C20orf96: variants seen among roughly 807,000 people sequenced by gnomAD.
C20orf96 encodes the protein chromosome 20 open reading frame 96.
In C20orf96, 57 loss-of-function variants were observed where a neutral mutation model predicts 52.6. The observed-to-expected ratio is 1.08, with a 90% confidence interval of 0.88 to 1.35. The LOEUF is 1.35. Among genes scored for constraint, C20orf96 ranks in the 40% most tolerant of loss-of-function variants. The probability of loss-of-function intolerance (pLI) is 0.00; values close to 1 mark genes in which losing one functional copy is unlikely to be tolerated. For synonymous variants in C20orf96, 168 were observed against 157.2 expected (o/e 1.07, Z -0.51); for missense variants, 478 against 443.6 (o/e 1.08, Z -0.70).
chr20:284,016 T>C lies in C20orf96; in HGVS notation c.253A>G (p.Arg85Gly). Residue 85 changes from arginine (R) to glycine (G), a missense_variant, in exon 4 of 11, where the codon AGA becomes GGA. Physicochemically the swap from Arg to Gly is moderately radical, Grantham distance 125 (BLOSUM62 -2). Transcript: ENST00000360321. ...TTCCCAGGGTCCAACTTCCGCCTTC[T>C]ATGTAGTTCTCTTGGATTCTTCGGC... ...CQPKNPRELH[R>G]RRKLDPGKMH... 6.2e-7 allele frequency: 1 copy of C among 1,614,212 alleles called. No homozygotes were observed. Among genetic ancestry groups the C allele is most frequent in the African/African-American group, 1.3e-5 (1 of 75,062 alleles).
At position 277,228 on chromosome 20, in the gene C20orf96, G is replaced by C; in HGVS notation, c.721C>G (p.Gln241Glu). ...RQLQQVKDSQQDELDDLGEMR... is the reference protein window; with the variant it reads ...RQLQQVKDSQEDELDDLGEMR... Reference sequence around the variant, plus strand: ...GAGAGGGGCAGGGGCTCCCCTACCTGCTGGCTGTCCTTAACCTGCTGCAGC... The same window carrying C: ...GAGAGGGGCAGGGGCTCCCCTACCTCCTGGCTGTCCTTAACCTGCTGCAGC... The change falls in exon 7 of 11, where the codon CAG (glutamine) becomes GAG (glutamate). Residue 241 changes from glutamine to glutamate, a missense_variant and splice_region_variant. Transcript: ENST00000360321. 1 of 1,614,146 alleles carries C rather than the reference G, an allele frequency of 6.2e-7. No homozygotes were observed. Among genetic ancestry groups the C allele is most frequent in the Admixed American group, 1.7e-5 (1 of 60,028 alleles).
intron 3 of C20orf96, among the ~76,000 whole-genome samples, chr20:285,229 T>C (rs1187819792): frequency 6.6e-6 from 1 of 152,112 alleles, no homozygotes; most frequent in Non-Finnish European, 1.5e-5. Flanking sequence ...AGTACAGGCA[T>C]TTGGGGGGCA....
At chr20:288,176 T>TTTTTTC (rs1300115257) in intron 3 of C20orf96, among the ~76,000 whole-genome samples, 52 of 124,296 alleles carry the variant, frequency 4.2e-4, no homozygotes, top group African/African-American at 2.1e-3. Flanking sequence ...TTCTTTTTCT[T>TTTTTTC]TTTTTTTTTT....
At chr20:274,123 C>T (rs1229929384) in intron 10 of C20orf96, among the ~76,000 whole-genome samples, 7 of 152,070 alleles carry the variant, frequency 4.6e-5, no homozygotes, top group African/African-American at 7.2e-5. Flanking sequence ...TGCTTTTTAA[C>T]GCGATCTCCA....
intron 4 of C20orf96, among the ~76,000 whole-genome samples, chr20:280,784 T>C (rs1434455412): frequency 1.3e-5 from 2 of 152,158 alleles, no homozygotes; most frequent in Admixed American, 6.5e-5. Flanking sequence ...GGCAAGTTAG[T>C]TAATGTCTCA....
intron 10 of C20orf96, among the ~76,000 whole-genome samples, chr20:273,895 AAGGAAGGAAGGGAGGGAGGG>A (rs1295330406): frequency 4.7e-5 from 3 of 63,884 alleles, no homozygotes; most frequent in Non-Finnish European, 8.1e-5. Context: ...GGAAGGAAGA[AAGGAAGGAAGGGAGGGAGGG>A]AGGGAGGGAG....
chr20:274,249 G>A (rs2011945274), intron 10 of C20orf96, among the ~76,000 whole-genome samples: 1 of 151,916 alleles, frequency 6.6e-6, no homozygotes, highest in African/African-American at 2.4e-5. Context: ...ACGTGGAAGG[G>A]CATCCATGAG....
Position 290,697 on chromosome 20 carries a change from T to C in C20orf96, c.-87A>G. 3 of 1,552,564 alleles carry C rather than the reference T, an allele frequency of 1.9e-6. No individual in the cohort carries two copies. Among genetic ancestry groups the C allele is most frequent in the Middle Eastern group, 1.7e-4 (1 of 5,898 alleles). ...GGCTTTTCCAACTTCCTTGTCTCAG[T>C]GTAGATCGCGCGGTAACCCAGGCCA... On this transcript the variant is annotated 5_prime_UTR_variant, in exon 1 of 11. Transcript: ENST00000360321.
Position 278,496 on chromosome 20 carries a change from T to C in C20orf96, c.466-67A>G, listed in dbSNP as rs1378930505. ...GCTCTCAGAGGCGGCCACCCAGCAC[T>C]TCCTCAGAGGAGTCCCCAGTCCCAA... On this transcript the variant is annotated intron_variant, in intron 5 of 10. Transcript: ENST00000360321. 2.4e-6 allele frequency: 3 copies of C among 1,228,334 alleles called. No homozygotes were observed. The African/African-American group carries it at 4.5e-5, about 18-fold the overall frequency. 76.1% of individuals were successfully genotyped at this position (1,228,334 alleles called of 1,614,324 possible).
Position 275,991 on chromosome 20 carries a change from C to G in C20orf96, c.1008G>C (p.Glu336Asp). 1 of 1,614,164 alleles carries G rather than the reference C, an allele frequency of 6.2e-7. No homozygotes were observed. Among genetic ancestry groups the G allele is most frequent in the Non-Finnish European group, 8.5e-7 (1 of 1,180,038 alleles). The change falls in exon 10 of 11, where the codon GAG becomes GAC. Residue 336 changes from glutamate to aspartate, a missense_variant. By Grantham distance (45) the Glu-to-Asp change is conservative (BLOSUM62 2). Transcript: ENST00000360321. ...ACTTGGGTCTCCGAAGCAGAACATCCTCAAATATGACCTCTCGGGGTTCCC... is the reference window on the plus strand; with the variant it reads ...ACTTGGGTCTCCGAAGCAGAACATCGTCAAATATGACCTCTCGGGGTTCCC... Reference protein sequence around the residue: ...QTREPREVIFEDVLLRRPKCT... With the variant: ...QTREPREVIFDDVLLRRPKCT...
At chr20:286,563 G>A (rs1193614036) in intron 3 of C20orf96, among the ~76,000 whole-genome samples, 2 of 149,766 alleles carry the variant, frequency 1.3e-5, no homozygotes, top group Admixed American at 1.3e-4. Context: ...AGAGGAGAGG[G>A]GAGGGGAAGG....
intron 2 of C20orf96, 148 bp downstream of exon 2, chr20:290,111 G>T (rs2012498307): frequency 1.6e-6 from 1 of 628,736 alleles, no homozygotes; most frequent in South Asian, 2.0e-5. Flanking sequence ...GCTTGCTCTG[G>T]GTCCCACAGC....
At chr20:273,980 G>A (rs28409234) in intron 10 of C20orf96, among the ~76,000 whole-genome samples, 1 of 145,458 alleles carries the variant, frequency 6.9e-6, no homozygotes, top group Non-Finnish European at 1.5e-5. Context: ...AAAGAAAAGA[G>A]AAAGACAGAG....
In C20orf96 at chr20:283,891, G is replaced by C; in HGVS notation, c.306+72C>G. Reference sequence around the variant, plus strand: ...AAGTCTGGCACCCACAAAGTTCTCAGCACATGTTTGCTACAGCCATCATCC... The same window carrying C: ...AAGTCTGGCACCCACAAAGTTCTCACCACATGTTTGCTACAGCCATCATCC... On this transcript the variant is annotated intron_variant, in intron 4 of 10. Coordinates refer to ENST00000360321, the MANE Select transcript of C20orf96 (RefSeq NM_153269.3). The C allele has an allele frequency of 8.4e-6, 9 of 1,073,898 alleles. No homozygotes were observed. The South Asian group carries it at 9.0e-5, about 11-fold the overall frequency. 66.5% of individuals were successfully genotyped at this position (1,073,898 alleles called of 1,614,324 possible). A position where few individuals can be genotyped will look rare whatever the true frequency, so the allele number is the denominator to read the frequency against.
At chr20:288,174 C>CTTTTTCTTTTTCTTTTTTTTT (rs760222046) in intron 3 of C20orf96, among the ~76,000 whole-genome samples, 14 of 66,046 alleles carry the variant, frequency 2.1e-4, no homozygotes, top group African/African-American at 2.5e-4. Context: ...TTTTCTTTTT[C>CTTTTTCTTTTTCTTTTTTTTT]TTTTTTTTTT....
rs1246910450 is a variant in C20orf96, at chr20:277,030, A to T, written c.825+14T>A. 1 of 1,610,908 alleles carries T rather than the reference A, an allele frequency of 6.2e-7. No homozygotes were observed. Among genetic ancestry groups the T allele is most frequent in the East Asian group, 2.2e-5 (1 of 44,870 alleles). ...ACCTGGATCCCCGCTCCCACACAGC[A>T]ACTGGCTACTCACCGCCACCACAGA... is the stretch of plus-strand genomic sequence containing the variant. On this transcript the variant is annotated intron_variant, in intron 8 of 10. Coordinates refer to ENST00000360321, the MANE Select transcript of C20orf96 (RefSeq NM_153269.3).
chr20:278,882 C>T (rs2012117085), intron 5 of C20orf96, among the ~76,000 whole-genome samples: 1 of 105,354 alleles, frequency 9.5e-6, no homozygotes, highest in Admixed American at 1.1e-4. Context: ...GTGGAGGAAG[C>T]ACCACGTGCA....
At chr20:288,282 C>A (rs1258018893) in intron 3 of C20orf96, among the ~76,000 whole-genome samples, 1 of 144,344 alleles carries the variant, frequency 6.9e-6, no homozygotes, top group Non-Finnish European at 1.5e-5. Flanking sequence ...TTCTGAAAAA[C>A]CCATTGGGAA....
chr20:276,407 T>C (rs2012025221), intron 9 of C20orf96: 1 of 985,280 alleles, frequency 1.0e-6, no homozygotes, highest in Non-Finnish European at 1.2e-6. Context: ...TAAAAACCAG[T>C]GAAGAGGCAA....
Sources: gnomAD v4.1 joint callset for allele counts (sites outside exome capture counted in the v4.1 genomes callset) on GRCh38, gnomAD v4.1.1 for gene constraint, MANE v1.5 for transcripts, NCBI Gene and HGNC (gene_info 2026-07-23, HGNC 2026-07-21) for gene names.